ANKFN1: variants seen among roughly 807,000 people sequenced by gnomAD.
The protein encoded by ANKFN1 is ankyrin repeat and fibronectin type III domain containing 1.
A neutral mutation model predicts 108.7 loss-of-function variants in ANKFN1; 74 were observed. The ratio of observed to expected loss-of-function variants is 0.68; its 90% CI spans 0.56 to 0.83. The LOEUF (loss-of-function observed/expected upper bound fraction) is 0.83, where lower values mean the gene tolerates loss of function less well. Among genes scored for constraint, ANKFN1 ranks in the 40% least tolerant of loss-of-function variants. ANKFN1 has a pLI of 0.00. For synonymous variants in ANKFN1, 547 were observed against 516.2 expected (o/e 1.06, Z -0.81); for missense variants, 1,505 against 1,382.3 (o/e 1.09, Z -1.41).
At chr17:56,211,197 T>G (rs2143811818) in intron 1 of ANKFN1, among the ~76,000 whole-genome samples, 1 of 152,256 alleles carries the variant, frequency 6.6e-6, no homozygotes, top group South Asian at 2.1e-4. Context: ...TCTAGAAGGG[T>G]TTTTCCAAAG....
chr17:56,086,022 T>A (rs7207819), intron 4 of ANKFN1, among the ~76,000 whole-genome samples: 89,033 of 150,556 alleles, frequency 0.59, 29,387 homozygotes, highest in Non-Finnish European at 0.73. Context: ...TAATATAGCA[T>A]TAAATAAATA....
At chr17:56,188,245 A>G (rs1912437944) in intron 1 of ANKFN1, among the ~76,000 whole-genome samples, 2 of 152,064 alleles carry the variant, frequency 1.3e-5, no homozygotes. Flanking sequence ...GTAACAAGTT[A>G]TCCAAAACTT....
chr17:56,225,880 G>A (rs1401102863), intron 2 of ANKFN1, among the ~76,000 whole-genome samples: 1 of 152,210 alleles, frequency 6.6e-6, no homozygotes, highest in East Asian at 1.9e-4. Context: ...TGATATTGCT[G>A]TGAAAATGTT....
In ANKFN1 at chr17:56,163,096, A is replaced by G. The variant is rs1406959297; in HGVS notation, c.-71+9566A>G. Among the ~76,000 whole-genome samples the G allele has an allele frequency of 3.9e-5, 6 of 152,098 alleles. No homozygotes were observed. The South Asian group carries it at 1.2e-3, about 32-fold the overall frequency. Reference sequence around the variant, plus strand: ...ATCACTTAGTAAAGTCTACAGAGTTATTTAACATTCCAAACTTGCTGGTTG... The same window carrying G: ...ATCACTTAGTAAAGTCTACAGAGTTGTTTAACATTCCAAACTTGCTGGTTG... On this transcript the variant is annotated intron_variant, in intron 1 of 20. Coordinates refer to ENST00000682825, the MANE Select transcript of ANKFN1 (RefSeq NM_001370326.1).
chr17:56,130,929 C>A (rs1382283889), intron 4 of ANKFN1, among the ~76,000 whole-genome samples: 2 of 144,522 alleles, frequency 1.4e-5, no homozygotes, highest in African/African-American at 5.4e-5. Flanking sequence ...AGGCTTCTAA[C>A]TTGAGTTTTT....
chr17:56,170,780 A>ATATATG (rs1555604545), intron 1 of ANKFN1, among the ~76,000 whole-genome samples: 1 of 75,984 alleles, frequency 1.3e-5, no homozygotes, highest in Non-Finnish European at 2.4e-5. Flanking sequence ...TTTTTTATAT[A>ATATATG]TATATATATA....
intron 3 of ANKFN1, among the ~76,000 whole-genome samples, chr17:56,282,091 T>A (rs148677868): frequency 2.2e-3 from 328 of 152,318 alleles, no homozygotes; most frequent in African/African-American, 7.5e-3. Context: ...CCCAAATATT[T>A]ATCAACAGAT....
intron 4 of ANKFN1, among the ~76,000 whole-genome samples, chr17:56,129,972 AG>A (rs1459001836): frequency 6.6e-6 from 1 of 152,262 alleles, no homozygotes; most frequent in Non-Finnish European, 1.5e-5. Flanking sequence ...TTCATTTTAC[AG>A]GGGAGACCTC....
At chr17:56,243,135 T>C (rs1917711441) in intron 3 of ANKFN1, among the ~76,000 whole-genome samples, 1 of 152,138 alleles carries the variant, frequency 6.6e-6, no homozygotes. Flanking sequence ...GTTGTGGTTG[T>C]CATTATGTTC....
At chr17:56,173,329 G>A (rs929129393) in intron 1 of ANKFN1, among the ~76,000 whole-genome samples, 1 of 152,078 alleles carries the variant, frequency 6.6e-6, no homozygotes, top group Admixed American at 6.5e-5. Context: ...CCCAGACATG[G>A]GTATGGCTTC....
Position 56,515,254 on chromosome 17 carries a change from G to C in ANKFN1, c.*3985G>C, listed in dbSNP as rs1490291970. On this transcript the variant is annotated 3_prime_UTR_variant, in exon 21 of 21. Coordinates refer to ENST00000682825, the MANE Select transcript of ANKFN1 (RefSeq NM_001370326.1). The stretch of plus-strand genomic sequence containing the variant: ...CTACAGCAAAGAGTGTGTATTTCTT[G>C]GTATATGTGCTTATTAAGCTATCAC... Among the ~76,000 whole-genome samples the C allele has an allele frequency of 6.6e-6, 1 of 152,024 alleles. No individual in the cohort carries two copies. Among genetic ancestry groups the C allele is most frequent in the African/African-American group, 2.4e-5 (1 of 41,380 alleles).
At chr17:56,378,950 C>G (rs1242307302) in intron 8 of ANKFN1, among the ~76,000 whole-genome samples, 1 of 152,146 alleles carries the variant, frequency 6.6e-6, no homozygotes, top group Non-Finnish European at 1.5e-5. Flanking sequence ...AGGATCCGGC[C>G]AATTTATTCT....
chr17:56,516,281 T>C lies in ANKFN1; in HGVS notation c.*5012T>C, dbSNP rs528411861. Among the ~76,000 whole-genome samples the C allele has an allele frequency of 7.9e-4, 119 of 151,148 alleles. No individual in the cohort carries two copies. Among genetic ancestry groups the C allele is most frequent in the East Asian group, 3.3e-3 (17 of 5,142 alleles). ...AAGTGTGTGTGTGTGTGTGTGTGTG[T>C]GCGTGTGTGGTGGTGTCAGAGAGAT... is the stretch of plus-strand genomic sequence containing the variant. On this transcript the variant is annotated 3_prime_UTR_variant, in exon 21 of 21. Transcript: ENST00000682825.
intron 1 of ANKFN1, among the ~76,000 whole-genome samples, chr17:56,192,120 T>C (rs1327675451): frequency 2.6e-5 from 4 of 151,834 alleles, no homozygotes; most frequent in Non-Finnish European, 5.9e-5. Context: ...ATCTGATCTT[T>C]GACAAACCTG....
At chr17:56,212,524 G>A (rs1484961376) in intron 1 of ANKFN1, among the ~76,000 whole-genome samples, 74 bp from the exon 2 acceptor site, 2 of 152,080 alleles carry the variant, frequency 1.3e-5, no homozygotes, top group South Asian at 2.1e-4. Context: ...TTATTTTCTG[G>A]TTTTGATATT....
chr17:56,388,869 T>C (rs187152208), intron 8 of ANKFN1, among the ~76,000 whole-genome samples: 83 of 152,298 alleles, frequency 5.4e-4, no homozygotes, highest in Non-Finnish European at 9.3e-4. Context: ...TATCATTACA[T>C]GCCTATCACA....
intron 6 of ANKFN1, chr17:56,368,077 A>G (rs2046706286): frequency 3.7e-6 from 3 of 818,310 alleles, no homozygotes; most frequent in Non-Finnish European, 5.1e-6. Flanking sequence ...TCAGATCCAG[A>G]GGCTAGTAGT....
intron 3 of ANKFN1, among the ~76,000 whole-genome samples, chr17:56,310,009 T>G (rs182913372): frequency 6.6e-6 from 1 of 152,148 alleles, no homozygotes; most frequent in Non-Finnish European, 1.5e-5. Context: ...GATCATCCGC[T>G]TCACATGATC....
chr17:56,343,283 T>C (rs2046007842), intron 4 of ANKFN1, among the ~76,000 whole-genome samples: 1 of 152,040 alleles, frequency 6.6e-6, no homozygotes, highest in Non-Finnish European at 1.5e-5. Context: ...TTGTGTTTAT[T>C]GTACAGTAGG....
Sources: allele counts gnomAD v4.1 joint callset (sites outside exome capture counted in the v4.1 genomes callset), GRCh38; gene constraint gnomAD v4.1.1; transcripts MANE v1.5; gene names NCBI Gene and HGNC (gene_info 2026-07-23, HGNC 2026-07-21).